RIMS2: variants seen among roughly 807,000 people sequenced by gnomAD.
RIMS2 encodes regulating synaptic membrane exocytosis protein 2.
In RIMS2, 59 loss-of-function variants were observed where a neutral mutation model predicts 174.4. That is an observed-to-expected ratio of 0.34 (90% confidence interval 0.27 to 0.42). RIMS2 has a LOEUF of 0.42. Among genes scored for constraint, RIMS2 ranks in the 10% least tolerant of loss-of-function variants. RIMS2 has a pLI of 1.00. For missense variants in RIMS2, 1,620 were observed against 1,666.3 expected, an observed-to-expected ratio of 0.97 and a Z score of 0.48; for synonymous variants, 606 against 572.5, an observed-to-expected ratio of 1.06 and a Z score of -0.84.
chr8:103,730,820 CCTT>C (rs772986267), intron 2 of RIMS2, among the ~76,000 whole-genome samples: 43 of 152,064 alleles, frequency 2.8e-4, no homozygotes, highest in Non-Finnish European at 5.6e-4. Context: ...CTGTATTTCT[CCTT>C]CATGTTTTAA....
chr8:103,521,120 C>T (rs1831437574), intron 1 of RIMS2, among the ~76,000 whole-genome samples: 1 of 131,296 alleles, frequency 7.6e-6, no homozygotes, highest in Non-Finnish European at 1.6e-5. Flanking sequence ...GAACATCACA[C>T]TCTGGGGACT....
intron 3 of RIMS2, among the ~76,000 whole-genome samples, chr8:103,855,289 T>C (rs1187637783): frequency 6.6e-6 from 1 of 152,054 alleles, no homozygotes; most frequent in African/African-American, 2.4e-5. Flanking sequence ...TGTTTATTTT[T>C]TCAAGTAACA....
intron 13 of RIMS2, among the ~76,000 whole-genome samples, chr8:103,941,638 T>C (rs1170548397): frequency 1.3e-5 from 2 of 152,190 alleles, no homozygotes; most frequent in South Asian, 2.1e-4. Context: ...AAATAGACAT[T>C]CATTTCTACA....
At chr8:104,234,650 A>T (rs1225156489) in intron 19 of RIMS2, among the ~76,000 whole-genome samples, 1 of 152,202 alleles carries the variant, frequency 6.6e-6, no homozygotes, top group Middle Eastern at 3.2e-3. Context: ...TACCAAAATG[A>T]TAAGCCTTAC....
chr8:103,758,596 T>G (rs1381763389), intron 2 of RIMS2, among the ~76,000 whole-genome samples: 1 of 152,208 alleles, frequency 6.6e-6, no homozygotes, highest in African/African-American at 2.4e-5. Flanking sequence ...TGTGCTCTTA[T>G]TCACTGGTAC....
At chr8:103,909,486 A>G (rs1404973516) in intron 4 of RIMS2, among the ~76,000 whole-genome samples, 3 of 152,262 alleles carry the variant, frequency 2.0e-5, no homozygotes, top group African/African-American at 7.2e-5. Context: ...TCAAAATATT[A>G]AGTGATTCAT....
chr8:103,603,430 C>T (rs2094866469), intron 1 of RIMS2, among the ~76,000 whole-genome samples: 1 of 148,362 alleles, frequency 6.7e-6, no homozygotes, highest in South Asian at 2.1e-4. Context: ...CAAGTCTTTG[C>T]TATTGTGAAT....
intron 1 of RIMS2, among the ~76,000 whole-genome samples, chr8:103,634,977 A>G (rs1397183446): frequency 2.0e-5 from 3 of 151,864 alleles, no homozygotes; most frequent in African/African-American, 4.8e-5. Flanking sequence ...CCAGCTTGCT[A>G]CTCTATGCTG....
At chr8:104,094,192 C>G (rs941611586) in intron 19 of RIMS2, among the ~76,000 whole-genome samples, 4 of 151,822 alleles carry the variant, frequency 2.6e-5, no homozygotes, top group African/African-American at 7.2e-5. Flanking sequence ...TTGTTTTACT[C>G]TTATTGGATT....
intron 6 of RIMS2, among the ~76,000 whole-genome samples, chr8:103,913,646 A>G (rs1306918003): frequency 6.6e-6 from 1 of 152,146 alleles, no homozygotes; most frequent in Non-Finnish European, 1.5e-5. Context: ...AGGAAGCATG[A>G]TGCCAACATC....
At chr8:103,929,963 C>T (rs1300227912) in intron 11 of RIMS2, among the ~76,000 whole-genome samples, 1 of 151,886 alleles carries the variant, frequency 6.6e-6, no homozygotes, top group East Asian at 1.9e-4. Flanking sequence ...TCCAGGGCCT[C>T]ATTCTGATTC....
At chr8:104,148,568 T>C (rs1281844082) in intron 19 of RIMS2, 39 bp from the exon 25 acceptor site, 14 of 1,553,022 alleles carry the variant, frequency 9.0e-6, no homozygotes, top group Non-Finnish European at 1.0e-5. Flanking sequence ...TTTTCCTTTT[T>C]ACTCTTGTCC....
rs553150040 is a variant in RIMS2, at chr8:104,112,467, T to A, written c.3334+97852T>A. 4.6e-5 allele frequency among the ~76,000 whole-genome samples: 7 copies of A among 152,218 alleles called. No homozygotes were observed. In the South Asian group the frequency reaches 1.2e-3, roughly 27 times the overall value. On this transcript the variant is annotated intron_variant, in intron 19 of 23. Coordinates refer to ENST00000504942, the Ensembl canonical transcript of RIMS2. Reference sequence around the variant, plus strand: ...ATAATACCTACATACGTATATGATATATACATACATACATGATATATGTAT... The same window carrying A: ...ATAATACCTACATACGTATATGATAAATACATACATACATGATATATGTAT...
At chr8:104,014,728 T>G in intron 19 of RIMS2, 113 bp downstream of exon 21, 1 of 559,254 alleles carries the variant, frequency 1.8e-6, no homozygotes, top group South Asian at 2.7e-5. Flanking sequence ...TTGTATGCCT[T>G]GTCTGTATTT....
chr8:103,966,673 CT>C (rs1353610403), intron 15 of RIMS2, among the ~76,000 whole-genome samples: 1 of 151,882 alleles, frequency 6.6e-6, no homozygotes, highest in Non-Finnish European at 1.5e-5. Context: ...TTAATTTGCT[CT>C]TCTTTTTCTA....
At chr8:104,112,849 G>C (rs1380195913) in intron 19 of RIMS2, among the ~76,000 whole-genome samples, 1 of 152,170 alleles carries the variant, frequency 6.6e-6, no homozygotes, top group East Asian at 1.9e-4. Context: ...TATTTCAGTC[G>C]TTTTTAAAAC....
chr8:103,587,766 A>G (rs115763521), intron 1 of RIMS2, among the ~76,000 whole-genome samples: 4,727 of 152,210 alleles, frequency 0.031, 220 homozygotes, highest in African/African-American at 0.11. Context: ...ACTTCAACAT[A>G]ATAAAAGCCA....
intron 4 of RIMS2, among the ~76,000 whole-genome samples, chr8:103,897,011 C>T (rs1422506004): frequency 6.6e-6 from 1 of 151,594 alleles, no homozygotes; most frequent in Non-Finnish European, 1.5e-5. Flanking sequence ...TGTTCAAGGA[C>T]CATCCAAAGA....
intron 3 of RIMS2, among the ~76,000 whole-genome samples, chr8:103,833,056 T>A (rs115088135): frequency 1.0e-3 from 159 of 152,338 alleles, no homozygotes; most frequent in Middle Eastern, 3.4e-3. Flanking sequence ...CATCTCCATT[T>A]GTATTTACCT....
Sources: allele counts gnomAD v4.1 joint callset (sites outside exome capture counted in the v4.1 genomes callset), GRCh38; gene constraint gnomAD v4.1.1; transcripts MANE v1.5; gene names NCBI Gene and HGNC (gene_info 2026-07-23, HGNC 2026-07-21).